GRIK1: variants seen among roughly 807,000 people sequenced by gnomAD.
GRIK1 encodes glutamate receptor ionotropic, kainate 1.
A neutral mutation model predicts 105.7 loss-of-function variants in GRIK1; 69 were observed. That is an observed-to-expected ratio of 0.65 (90% CI 0.54 to 0.80). The LOEUF is 0.80. Among genes scored for constraint, GRIK1 ranks in the 30% least tolerant of loss-of-function variants. The pLI is 0.00. For missense variants in GRIK1, 1,109 were observed against 1,167.3 expected, an observed-to-expected ratio of 0.95 and a Z score of 0.73; for synonymous variants, 438 against 431.3, an observed-to-expected ratio of 1.02 and a Z score of -0.19.
At chr21:29,861,758 T>A in intron 1 of GRIK1, 8 of 370,718 alleles carry the variant, frequency 2.2e-5, no homozygotes, top group South Asian at 1.7e-4. Flanking sequence ...ATATGGTGGA[T>A]TGCATTAATT....
At chr21:29,912,997 A>G (rs1348855358) in intron 1 of GRIK1, among the ~76,000 whole-genome samples, 2 of 152,136 alleles carry the variant, frequency 1.3e-5, no homozygotes, top group Admixed American at 6.6e-5. Context: ...TAACATATTC[A>G]TTACATGACG....
Position 29,561,610 on chromosome 21 carries a change from T to G in GRIK1, c.2356+14A>C. 1 of 1,525,386 alleles carries G rather than the reference T, an allele frequency of 6.6e-7. No individual in the cohort carries two copies. Among genetic ancestry groups the G allele is most frequent in the Non-Finnish European group, 9.1e-7 (1 of 1,099,154 alleles). The allele number at this position is 1,525,386 out of a possible 1,614,324, so 94.5% of individuals were successfully genotyped here. A position where few individuals can be genotyped will look rare whatever the true frequency, so the allele number is the denominator to read the frequency against. ...TTCTGTATCTCAGTCTTGGTTCATG[T>G]CTACCCGTCTTACCAATAGGTGTTC... On this transcript the variant is annotated intron_variant, in intron 15 of 17. Transcript: ENST00000327783.
chr21:29,675,224 C>G (rs1374051557), intron 3 of GRIK1, among the ~76,000 whole-genome samples: 1 of 152,246 alleles, frequency 6.6e-6, no homozygotes, highest in East Asian at 1.9e-4. Flanking sequence ...ACGTCACCAT[C>G]CTGCCTTATA....
In GRIK1 at chr21:29,619,012, G is replaced by C. The variant is rs553545793; in HGVS notation, c.1099-20075C>G. On this transcript the variant is annotated intron_variant, in intron 7 of 17. Transcript: ENST00000327783. ...GTGGTGGTGGGCGCTTGTAGTCCCA[G>C]CTACTCGGGAGGCTGAGGCAGGAGA... 2.0e-5 allele frequency among the ~76,000 whole-genome samples: 3 copies of C among 151,546 alleles called. No homozygotes were observed. In the East Asian group the frequency reaches 5.8e-4, roughly 29 times the overall value.
intron 1 of GRIK1, among the ~76,000 whole-genome samples, chr21:29,799,945 G>T (rs527393956): frequency 6.6e-6 from 1 of 152,222 alleles, no homozygotes; most frequent in Admixed American, 6.5e-5. Context: ...AAGTGTGAAT[G>T]AATTTTGTTA....
intron 4 of GRIK1, among the ~76,000 whole-genome samples, chr21:29,668,512 C>A (rs551632661): frequency 6.6e-6 from 1 of 152,228 alleles, no homozygotes; most frequent in South Asian, 2.1e-4. Flanking sequence ...ATACTGGAGG[C>A]CAGCAAGAGG....
intron 1 of GRIK1, among the ~76,000 whole-genome samples, chr21:29,828,020 TGTGTGTGTGTGTGTGG>T (rs2145951212): frequency 6.6e-6 from 1 of 151,734 alleles, no homozygotes; most frequent in Admixed American, 6.6e-5. Flanking sequence ...TCTGTGTGTG[TGTGTGTGTGTGTGTGG>T]GTGTGTGTCT....
intron 4 of GRIK1, chr21:29,657,324 G>T (rs2062873274): frequency 6.6e-6 from 1 of 152,150 alleles, no homozygotes; most frequent in Non-Finnish European, 1.5e-5. Flanking sequence ...TGGATCCCCT[G>T]TTAAGAGATA....
chr21:29,641,077 GCCTAATT>G (rs2062500473), intron 7 of GRIK1, among the ~76,000 whole-genome samples: 1 of 152,138 alleles, frequency 6.6e-6, no homozygotes, highest in Admixed American at 6.6e-5. Context: ...ACAAGCATTT[GCCTAATT>G]CTTTATCCTT....
chr21:29,601,423 T>C (rs929465395), intron 7 of GRIK1, among the ~76,000 whole-genome samples: 2 of 152,324 alleles, frequency 1.3e-5, no homozygotes, highest in African/African-American at 4.8e-5. Flanking sequence ...CCTCTTTGTA[T>C]ATATATCCTA....
chr21:29,891,402 G>A (rs1419555601), intron 1 of GRIK1, among the ~76,000 whole-genome samples: 1 of 152,144 alleles, frequency 6.6e-6, no homozygotes, highest in Admixed American at 6.5e-5. Context: ...TTATCAACAT[G>A]CTTTTACATT....
In GRIK1 at chr21:29,651,277, C is replaced by G; in HGVS notation, c.795G>C (p.Leu265Phe). The G allele has an allele frequency of 6.2e-7, 1 of 1,610,740 alleles. No individual in the cohort carries two copies. The part of the protein sequence containing the change: ...YFFTTLDLFA[L>F]DLELYRYSGV... Reference sequence around the variant, plus strand: ...CACTGTACCTATAGAGTTCCAGATCCAAAGCAAATAAGTCCTGCATAGTAT... The same window carrying G: ...CACTGTACCTATAGAGTTCCAGATCGAAAGCAAATAAGTCCTGCATAGTAT... The change falls in exon 6 of 18, where the codon TTG becomes TTC. Residue 265 changes from leucine to phenylalanine, a missense_variant. Physicochemically the swap from Leu to Phe is conservative, Grantham distance 22 (BLOSUM62 0). Around this residue, in one of 5 missense-constraint regions of GRIK1, gnomAD observed 612 missense variants for 586.0 expected, o/e 1.04. Coordinates refer to ENST00000327783, the MANE Select transcript of GRIK1 (RefSeq NM_001330994.2).
At chr21:29,625,498 C>T (rs1469217064) in intron 7 of GRIK1, among the ~76,000 whole-genome samples, 3 of 152,052 alleles carry the variant, frequency 2.0e-5, no homozygotes, top group Non-Finnish European at 4.4e-5. Flanking sequence ...AGTGTTCTTC[C>T]CCACCATGCT....
At position 29,556,057 on chromosome 21, in the gene GRIK1, C is replaced by T. The variant is rs556185842; in HGVS notation, c.2357-755G>A. On this transcript the variant is annotated intron_variant, in intron 15 of 17. Coordinates refer to ENST00000327783, the MANE Select transcript of GRIK1 (RefSeq NM_001330994.2). ...AGAGAAGAAGACCACCGACCTTAGA[C>T]TGGTTCTGGTTGGATTAAAGAGAGT... Among the ~76,000 whole-genome samples the T allele has an allele frequency of 2.6e-5, 4 of 152,312 alleles. No homozygotes were observed. The East Asian group carries it at 7.7e-4, about 29-fold the overall frequency.
intron 7 of GRIK1, among the ~76,000 whole-genome samples, chr21:29,604,392 A>C (rs1305216811): frequency 2.6e-5 from 4 of 152,134 alleles, no homozygotes; most frequent in African/African-American, 9.7e-5. Flanking sequence ...CCTGCCTCTC[A>C]TCCCCTAGAT....
At chr21:29,580,783 G>A (rs978537098) in intron 13 of GRIK1, among the ~76,000 whole-genome samples, 4 of 151,926 alleles carry the variant, frequency 2.6e-5, no homozygotes, top group Admixed American at 6.6e-5. Context: ...AAGAAATGGA[G>A]TTCTTCCAAA....
chr21:29,830,856 T>C (rs1046764242), intron 1 of GRIK1, among the ~76,000 whole-genome samples: 2 of 152,002 alleles, frequency 1.3e-5, no homozygotes, highest in African/African-American at 2.4e-5. Context: ...AAGATGAAAA[T>C]GTAAGAATTC....
intron 3 of GRIK1, among the ~76,000 whole-genome samples, chr21:29,684,249 C>CAT (rs1601445247): frequency 1.4e-5 from 2 of 141,632 alleles, no homozygotes; most frequent in African/African-American, 5.2e-5. Flanking sequence ...GGGAATCTAT[C>CAT]ATCTCTATCT....
chr21:29,784,892 T>C (rs1461704068), intron 1 of GRIK1, among the ~76,000 whole-genome samples: 1 of 152,198 alleles, frequency 6.6e-6, no homozygotes, highest in African/African-American at 2.4e-5. Flanking sequence ...AGCTGTCTGA[T>C]GTTATCTCAA....
Sources: allele counts gnomAD v4.1 joint callset (sites outside exome capture counted in the v4.1 genomes callset), GRCh38; gene constraint gnomAD v4.1.1; regional missense constraint gnomAD v4.1.1; transcripts MANE v1.5; gene names NCBI Gene and HGNC (gene_info 2026-07-23, HGNC 2026-07-21).